Variants in IL18R1 observed in about 807,000 individuals in gnomAD.
The protein encoded by IL18R1 is interleukin 18 receptor 1.
IL18R1 carries 40 observed loss-of-function variants against 48.5 expected under a neutral mutation model. The ratio of observed to expected loss-of-function variants is 0.82; its 90% CI spans 0.64 to 1.07. The LOEUF (loss-of-function observed/expected upper bound fraction) is 1.07, where lower values mean the gene tolerates loss of function less well. Among genes scored for constraint, IL18R1 ranks in the 50% least tolerant of loss-of-function variants. The probability of loss-of-function intolerance (pLI) is 0.00; values close to 1 mark genes in which losing one functional copy is unlikely to be tolerated. For missense variants in IL18R1, 596 were observed against 633.7 expected, an observed-to-expected ratio of 0.94 and a Z score of 0.64; for synonymous variants, 232 against 225.9, an observed-to-expected ratio of 1.03 and a Z score of -0.24.
chr2:102,360,306 T>C (rs1678497565), intron 1 of IL18R1, among the ~76,000 whole-genome samples: 1 of 152,186 alleles, frequency 6.6e-6, no homozygotes, highest in Non-Finnish European at 1.5e-5. Flanking sequence ...CTCTGTCACC[T>C]AGGCTGGAGT....
chr2:102,375,102 G>A (rs1679496581), intron 4 of IL18R1, among the ~76,000 whole-genome samples: 2 of 152,196 alleles, frequency 1.3e-5, no homozygotes, highest in Admixed American at 1.3e-4. Flanking sequence ...AGCCCCAGTG[G>A]CTGCCAGCTC....
In IL18R1 at chr2:102,390,090, A is replaced by T; in HGVS notation, c.984A>T (p.Thr328=). 6.2e-7 allele frequency: 1 copy of T among 1,614,086 alleles called. No individual in the cohort carries two copies. The highest frequency in any genetic ancestry group is 8.5e-7 in the Non-Finnish European group (1 of 1,180,002). ...CTGATATCCCAGGCCACGTCTTCAC[A>T]AGAGGAATGATCATAGCTGTTTTGA... ...DMADIPGHVF[T]RGMIIAVLIL... The change falls in exon 9 of 11, where the codon ACA becomes ACT. Residue 328 remains threonine (T), a synonymous_variant. Coordinates refer to ENST00000233957, the MANE Select transcript of IL18R1 (RefSeq NM_003855.5).
chr2:102,392,483 AG>A (rs1352657780), intron 9 of IL18R1, among the ~76,000 whole-genome samples: 3 of 152,218 alleles, frequency 2.0e-5, no homozygotes, highest in Non-Finnish European at 4.4e-5. Flanking sequence ...TCAATATGGC[AG>A]TGCAGAGACA....
At chr2:102,378,724 A>G (rs1221626549) in intron 5 of IL18R1, among the ~76,000 whole-genome samples, 2 of 152,230 alleles carry the variant, frequency 1.3e-5, no homozygotes, top group Non-Finnish European at 2.9e-5. Context: ...GGCACTTGGC[A>G]CATAAAGGTG....
At chr2:102,367,179 T>C (rs1678955130) in intron 2 of IL18R1, among the ~76,000 whole-genome samples, 2 of 152,076 alleles carry the variant, frequency 1.3e-5, no homozygotes, top group South Asian at 4.2e-4. Flanking sequence ...CTGGGTCAAT[T>C]GAGAAAGAGG....
At position 102,396,778 on chromosome 2, in the gene IL18R1, T is replaced by G; in HGVS notation, c.1518T>G (p.Leu506=). The G allele has an allele frequency of 6.2e-7, 1 of 1,614,154 alleles. No homozygotes were observed. The highest frequency in any genetic ancestry group is 8.5e-7 in the Non-Finnish European group (1 of 1,179,976). ...TGAAGTGGAAGGCCGATAAATCTCT[T>G]TCTTATAACTCAAGGTTCTGGAAGA... ...RVLKWKADKS[L]SYNSRFWKNL... The change falls in exon 11 of 11, where the codon CTT becomes CTG. Residue 506 remains leucine, a synonymous_variant. Transcript: ENST00000233957.
rs140850320 is a variant in IL18R1, at chr2:102,380,154, G to A, written c.626-1466G>A. On this transcript the variant is annotated intron_variant, in intron 5 of 10. Transcript: ENST00000233957. ...CATTTTGACTCTGATAGCCTCCTAG[G>A]TAGGCTGGCCATGTCAAGGGCATGC... 1.1e-4 allele frequency among the ~76,000 whole-genome samples: 17 copies of A among 151,408 alleles called. No homozygotes were observed. The East Asian group carries it at 2.4e-3, about 22-fold the overall frequency.
At position 102,392,420 on chromosome 2, in the gene IL18R1, A is replaced by T. The variant is rs79393089; in HGVS notation, c.1112-2049A>T. ...GCTAAGATTTCTTTTTTCCTTCTCC[A>T]GTTGTGTTTGACATGATTTGCGGTA... is the stretch of plus-strand genomic sequence containing the variant. On this transcript the variant is annotated intron_variant, in intron 9 of 10. Transcript: ENST00000233957. Among the ~76,000 whole-genome samples the T allele has an allele frequency of 3.5e-3, 539 of 152,222 alleles. 20 individuals are homozygous for T. The East Asian group carries it at 0.077, about 22-fold the overall frequency.
chr2:102,393,061 C>A (rs959316726), intron 9 of IL18R1, among the ~76,000 whole-genome samples: 1 of 151,926 alleles, frequency 6.6e-6, no homozygotes, highest in Non-Finnish European at 1.5e-5. Flanking sequence ...TAATATAAAC[C>A]CATATTTGAT....
chr2:102,365,112 A>C lies in IL18R1; in HGVS notation c.58+2394A>C, dbSNP rs560767859. On this transcript the variant is annotated intron_variant, in intron 2 of 10. Coordinates refer to ENST00000233957, the MANE Select transcript of IL18R1 (RefSeq NM_003855.5). ...CAAAACACAATCATGCCCTTCTAAC[A>C]GTCCCCCAAAGTCTTCACTCATTCC... Among the ~76,000 whole-genome samples the C allele has an allele frequency of 8.5e-5, 13 of 152,280 alleles. No homozygotes were observed. The South Asian group carries it at 2.7e-3, about 32-fold the overall frequency.
intron 8 of IL18R1, among the ~76,000 whole-genome samples, chr2:102,388,499 G>A (rs897285031): frequency 1.3e-5 from 2 of 152,160 alleles, no homozygotes; most frequent in African/African-American, 4.8e-5. Context: ...GTGAGGGAGT[G>A]GGGCTCAAAT....
At chr2:102,375,729 A>C (rs1260935783) in intron 4 of IL18R1, among the ~76,000 whole-genome samples, 178 bp from the exon 5 acceptor site, 1 of 152,196 alleles carries the variant, frequency 6.6e-6, no homozygotes, top group Non-Finnish European at 1.5e-5. Context: ...CAGCAATGGG[A>C]TCGCATTTAA....
In IL18R1 at chr2:102,356,221, T is replaced by TTTGTAGCCC; in HGVS notation, c.-207_-206insTGTAGCCCT. 1 of 303,590 alleles carries TTTGTAGCCC rather than the reference T, an allele frequency of 3.3e-6. No individual in the cohort carries two copies. The highest frequency in any genetic ancestry group is 4.8e-6 in the Non-Finnish European group (1 of 206,482). The allele number at this position is 303,590 out of a possible 1,614,324, so 18.8% of individuals were successfully genotyped here. ...TCCTTCTTCTTCTTTTTTTTTTTTTTTGTAGCCCTCTCTGGGTGCCTTATC... is the reference window on the plus strand; with the variant it reads ...TCCTTCTTCTTCTTTTTTTTTTTTTTTTGTAGCCCTGTAGCCCTCTCTGGGTGCCTTATC... On this transcript the variant is annotated 5_prime_UTR_variant, in exon 1 of 11. Transcript: ENST00000233957.
At chr2:102,385,509 G>T (rs1680174599) in intron 7 of IL18R1, among the ~76,000 whole-genome samples, 2 of 152,198 alleles carry the variant, frequency 1.3e-5, no homozygotes. Context: ...TTTTCTGAAT[G>T]ACTTTGGGTC....
At chr2:102,389,609 AT>A (rs979197931) in intron 8 of IL18R1, among the ~76,000 whole-genome samples, 1 of 152,168 alleles carries the variant, frequency 6.6e-6, no homozygotes, top group African/African-American at 2.4e-5. Flanking sequence ...GGCATTCACG[AT>A]TTTTCCTACA....
intron 1 of IL18R1, among the ~76,000 whole-genome samples, chr2:102,357,143 G>A (rs1301432172): frequency 6.6e-6 from 1 of 152,086 alleles, no homozygotes; most frequent in Non-Finnish European, 1.5e-5. Flanking sequence ...CAGGTTCTGG[G>A]GACAGTGTTT....
At position 102,398,097 on chromosome 2, in the gene IL18R1, G is replaced by A. The variant is rs1214066002; in HGVS notation, c.*1211G>A. Reference sequence around the variant, plus strand: ...AGCTACAGAGCAGGGAAGGGAAGCAGATCTAGGGAGGAAGGCAGTTTTGAT... The same window carrying A: ...AGCTACAGAGCAGGGAAGGGAAGCAAATCTAGGGAGGAAGGCAGTTTTGAT... On this transcript the variant is annotated 3_prime_UTR_variant, in exon 11 of 11. Transcript: ENST00000233957. The A allele has an allele frequency of 6.6e-6, 1 of 152,390 alleles. No homozygotes were observed. The highest frequency in any genetic ancestry group is 2.4e-5 in the African/African-American group (1 of 41,432). The allele number at this position is 152,390 out of a possible 1,614,324, so 9.4% of individuals were successfully genotyped here. A position where few individuals can be genotyped will look rare whatever the true frequency, so the allele number is the denominator to read the frequency against.
At chr2:102,394,202 C>T (rs968659359) in intron 9 of IL18R1, among the ~76,000 whole-genome samples, 5 of 152,028 alleles carry the variant, frequency 3.3e-5, no homozygotes, top group Admixed American at 2.6e-4. Context: ...AACTTAAAGA[C>T]TTAAGTTCCT....
intron 4 of IL18R1, among the ~76,000 whole-genome samples, 156 bp from the exon 5 acceptor site, chr2:102,375,751 A>G (rs193170754): frequency 1.3e-5 from 2 of 152,340 alleles, no homozygotes; most frequent in African/African-American, 2.4e-5. Context: ...TGTTTCAGTA[A>G]AAGTAGTACC....
Sources: gnomAD v4.1 joint callset for allele counts (sites outside exome capture counted in the v4.1 genomes callset) on GRCh38, gnomAD v4.1.1 for gene constraint, MANE v1.5 for transcripts, NCBI Gene and HGNC (gene_info 2026-07-23, HGNC 2026-07-21) for gene names.